Variants in CAMTA1 observed in about 807,000 individuals in gnomAD.
CAMTA1 encodes the protein calmodulin binding transcription activator 1.
In CAMTA1, 27 loss-of-function variants were observed where a neutral mutation model predicts 170.9. That is an observed-to-expected ratio of 0.16 (90% CI 0.12 to 0.22). CAMTA1 has a LOEUF of 0.22. CAMTA1 is among the 10% of genes least tolerant of loss of function. The pLI, the probability that CAMTA1 is intolerant of heterozygous loss-of-function variation, is 1.00. For synonymous variants in CAMTA1, 833 were observed against 891.5 expected (o/e 0.93, Z 1.17); for missense variants, 1,619 against 2,217.2 (o/e 0.73, Z 5.42).
At chr1:7,742,228 T>C (rs1339870922) in intron 16 of CAMTA1, among the ~76,000 whole-genome samples, 2 of 151,768 alleles carry the variant, frequency 1.3e-5, no homozygotes, top group African/African-American at 4.8e-5. Context: ...CAAATACTAG[T>C]AAATACAAAG....
At chr1:6,895,712 C>T (rs1228046330) in intron 3 of CAMTA1, among the ~76,000 whole-genome samples, 2 of 152,164 alleles carry the variant, frequency 1.3e-5, no homozygotes, top group African/African-American at 4.8e-5. Flanking sequence ...ATTTCCTCTC[C>T]TCCCCATCTT....
intron 3 of CAMTA1, among the ~76,000 whole-genome samples, chr1:7,023,216 G>A (rs944094536): frequency 6.6e-6 from 1 of 152,210 alleles, no homozygotes; most frequent in Non-Finnish European, 1.5e-5. Context: ...CACTATCAAT[G>A]TGGGCAGAAA....
At chr1:6,848,355 A>G (rs548950627) in intron 3 of CAMTA1, among the ~76,000 whole-genome samples, 2 of 152,094 alleles carry the variant, frequency 1.3e-5, no homozygotes, top group East Asian at 1.9e-4. Flanking sequence ...GTCTCCCTAC[A>G]TTTCCCCGGC....
chr1:7,533,640 C>T (rs116556689), intron 6 of CAMTA1, among the ~76,000 whole-genome samples: 3,603 of 152,174 alleles, frequency 0.024, 127 homozygotes, highest in African/African-American at 0.077. Context: ...CGGCCGGGCA[C>T]GGTGGCTCAC....
rs756239424 is a variant in CAMTA1 at position 6,979,915 on chromosome 1, GC to G, written c.235-111388del. Among the ~76,000 whole-genome samples the G allele has an allele frequency of 2.6e-5, 4 of 152,148 alleles. No homozygotes were observed. In the East Asian group the frequency reaches 5.8e-4, roughly 22 times the overall value. On this transcript the variant is annotated intron_variant, in intron 3 of 22. Transcript: ENST00000303635. ...CATCTAGCTTTCCTGGCTCTCCACA[GC>G]TGTTTGAGGGCTCAGCCCACTATGT...
chr1:7,241,838 A>C (rs76766742), intron 4 of CAMTA1, among the ~76,000 whole-genome samples: 1,915 of 152,304 alleles, frequency 0.013, 38 homozygotes, highest in African/African-American at 0.043. Flanking sequence ...AGAGCTAAAG[A>C]TATAAAAGAT....
intron 5 of CAMTA1, among the ~76,000 whole-genome samples, chr1:7,445,558 G>A (rs1177860622): frequency 1.3e-5 from 2 of 152,162 alleles, no homozygotes; most frequent in African/African-American, 4.8e-5. Context: ...TCAGCCTGGA[G>A]GGGGAGGCGG....
At chr1:7,323,903 C>T (rs1194920076) in intron 5 of CAMTA1, among the ~76,000 whole-genome samples, 2 of 152,192 alleles carry the variant, frequency 1.3e-5, no homozygotes, top group Non-Finnish European at 2.9e-5. Flanking sequence ...TATAGTTTCT[C>T]TCAAATTTGA....
chr1:7,074,692 G>A (rs1277596990), intron 3 of CAMTA1, among the ~76,000 whole-genome samples: 3 of 152,212 alleles, frequency 2.0e-5, no homozygotes, highest in Non-Finnish European at 2.9e-5. Flanking sequence ...GGTAGGAATA[G>A]TTAACCCTTT....
rs775687533 is a variant in CAMTA1, at chr1:6,820,270, T to C, written c.115+20T>C. 6.2e-7 allele frequency: 1 copy of C among 1,613,870 alleles called. No homozygotes were observed. The highest frequency in any genetic ancestry group is 8.5e-7 in the Non-Finnish European group (1 of 1,179,768). ...TAGAAGGTAGGATTTGAAAAAGCTT[T>C]TGACTTACAGGAAGGGGTGGGCTTG... is the stretch of plus-strand genomic sequence containing the variant. On this transcript the variant is annotated intron_variant, in intron 2 of 22. Coordinates refer to ENST00000303635, the MANE Select transcript of CAMTA1 (RefSeq NM_015215.4).
Position 7,633,880 on chromosome 1 carries a change from G to C in CAMTA1, c.511-6520G>C, listed in dbSNP as rs2095689645. On this transcript the variant is annotated intron_variant, in intron 6 of 22. Transcript: ENST00000303635. The surrounding 1 kb of genome is among the most constrained non-coding windows in gnomAD (Gnocchi z 4.1). Reference sequence around the variant, plus strand: ...GGTGGGCACTGTTGTCAACGGGGTTGCTGAATGAGGTTTCCACAAGAAAGT... The same window carrying C: ...GGTGGGCACTGTTGTCAACGGGGTTCCTGAATGAGGTTTCCACAAGAAAGT... Among the ~76,000 whole-genome samples the C allele has an allele frequency of 6.6e-6, 1 of 152,242 alleles. No individual in the cohort carries two copies. Among genetic ancestry groups the C allele is most frequent in the African/African-American group, 2.4e-5 (1 of 41,464 alleles).
At chr1:7,360,320 C>G (rs2085445118) in intron 5 of CAMTA1, among the ~76,000 whole-genome samples, 1 of 152,158 alleles carries the variant, frequency 6.6e-6, no homozygotes, top group Non-Finnish European at 1.5e-5. Context: ...GGACTCAGCC[C>G]TGGGGCAGGT....
intron 6 of CAMTA1, among the ~76,000 whole-genome samples, chr1:7,623,761 G>A (rs1389346406): frequency 6.6e-6 from 1 of 152,240 alleles, no homozygotes; most frequent in East Asian, 1.9e-4. Flanking sequence ...GCCTCCCGAG[G>A]TGCTGGGATT....
intron 3 of CAMTA1, among the ~76,000 whole-genome samples, chr1:6,983,718 A>T (rs1694819688): frequency 7.0e-6 from 1 of 142,106 alleles, no homozygotes; most frequent in Non-Finnish European, 1.5e-5. Context: ...GGATGGTTGA[A>T]TGTATGGGTA....
chr1:6,931,346 G>A (rs1313688082), intron 3 of CAMTA1, among the ~76,000 whole-genome samples: 4 of 152,162 alleles, frequency 2.6e-5, no homozygotes, highest in African/African-American at 4.8e-5. Flanking sequence ...TAGAATCAGA[G>A]TCACTTATCT....
Position 7,325,989 on chromosome 1 carries a change from G to T in CAMTA1, c.438+76363G>T, listed in dbSNP as rs1242847517. On this transcript the variant is annotated intron_variant, in intron 5 of 22. Transcript: ENST00000303635. The surrounding 1 kb of genome is among the most constrained non-coding windows in gnomAD (Gnocchi z 5.0). ...TTCTCATGCCTCAGCCTCCCAAGTA[G>T]CTGGGACTACAGGCGTGCGCCACCA... Among the ~76,000 whole-genome samples the T allele has an allele frequency of 6.6e-6, 1 of 152,202 alleles. No individual in the cohort carries two copies. Among genetic ancestry groups the T allele is most frequent in the African/African-American group, 2.4e-5 (1 of 41,444 alleles).
intron 5 of CAMTA1, among the ~76,000 whole-genome samples, chr1:7,407,596 G>A (rs2090393292): frequency 6.6e-6 from 1 of 152,152 alleles, no homozygotes; most frequent in Non-Finnish European, 1.5e-5. Flanking sequence ...GTGGGTGTTG[G>A]GGGGTGACTG....
intron 5 of CAMTA1, among the ~76,000 whole-genome samples, chr1:7,273,993 T>A (rs994429944): frequency 2.6e-5 from 4 of 152,034 alleles, no homozygotes; most frequent in African/African-American, 9.7e-5. Context: ...AATAAGCCAA[T>A]AGTGGATATA....
intron 5 of CAMTA1, among the ~76,000 whole-genome samples, chr1:7,392,166 G>C (rs1277959844): frequency 3.3e-5 from 5 of 151,864 alleles, no homozygotes; most frequent in African/African-American, 4.8e-5. Context: ...GCTCATGCCT[G>C]TAATTCCAAC....
Sources: gnomAD v4.1 joint callset for allele counts (sites outside exome capture counted in the v4.1 genomes callset) on GRCh38, gnomAD v4.1.1 for gene constraint, Gnocchi (gnomAD v3.1) non-coding constraint, MANE v1.5 for transcripts, NCBI Gene and HGNC (gene_info 2026-07-23, HGNC 2026-07-21) for gene names.